Variants in PCDHAC2 observed in about 807,000 individuals in gnomAD.
PCDHAC2 encodes the protein protocadherin alpha subfamily C, 2, also known as protocadherin alpha-C2.
In PCDHAC2, 24 loss-of-function variants were observed where a neutral mutation model predicts 63.3. That is an observed-to-expected ratio of 0.38 (90% CI 0.27 to 0.53). The LOEUF (loss-of-function observed/expected upper bound fraction) is 0.53, where lower values mean the gene tolerates loss of function less well. Among genes scored for constraint, PCDHAC2 ranks in the 20% least tolerant of loss-of-function variants. PCDHAC2 has a pLI of 0.81. For missense variants in PCDHAC2, 1,181 were observed against 1,275.2 expected, an observed-to-expected ratio of 0.93 and a Z score of 1.12; for synonymous variants, 569 against 529.4, an observed-to-expected ratio of 1.07 and a Z score of -1.03.
At chr5:140,990,227 A>G (rs1424384055) in intron 3 of PCDHAC2, among the ~76,000 whole-genome samples, 1 of 152,134 alleles carries the variant, frequency 6.6e-6, no homozygotes, top group Non-Finnish European at 1.5e-5. Flanking sequence ...GTTTATTGTA[A>G]CTAGCGTTGT....
At chr5:140,978,909 C>G (rs782321430) in intron 1 of PCDHAC2, 40 bp from the exon 2 acceptor site, 2 of 1,613,660 alleles carry the variant, frequency 1.2e-6, no homozygotes, top group South Asian at 2.2e-5. Context: ...AGAACATTGT[C>G]TTGTCATTTT....
At chr5:141,003,616 G>A (rs1360535833) in intron 3 of PCDHAC2, among the ~76,000 whole-genome samples, 1 of 152,132 alleles carries the variant, frequency 6.6e-6, no homozygotes, top group African/African-American at 2.4e-5. Flanking sequence ...CCCGGCCCCA[G>A]AGGGCAGTTT....
chr5:140,985,606 C>A (rs1008038466), intron 3 of PCDHAC2, among the ~76,000 whole-genome samples: 1 of 152,300 alleles, frequency 6.6e-6, no homozygotes, highest in South Asian at 2.1e-4. Context: ...AGAGCCCTTT[C>A]CGTGAACCAG....
intron 2 of PCDHAC2, among the ~76,000 whole-genome samples, chr5:140,981,529 G>A (rs1014315292): frequency 3.9e-5 from 6 of 152,196 alleles, no homozygotes; most frequent in East Asian, 1.9e-4. Flanking sequence ...AGCTGAGATC[G>A]TGCCACTGTA....
chr5:140,999,812 G>A (rs1305602487), intron 3 of PCDHAC2, among the ~76,000 whole-genome samples: 2 of 152,270 alleles, frequency 1.3e-5, no homozygotes, highest in East Asian at 3.9e-4. Flanking sequence ...CACAAAGCAA[G>A]AGCTGTGGCT....
rs1417392698 is a variant in PCDHAC2 at position 140,999,864 on chromosome 5, T to G, written c.2714-9763T>G. Among the ~76,000 whole-genome samples, 46 of 152,148 alleles carry G rather than the reference T, an allele frequency of 3.0e-4. 1 individual carries two copies. ...TGTATTTATCTCTTCCGCTCCAAGATTACTGAAAATTAGCCCAGCTGTAGC... is the reference window on the plus strand; with the variant it reads ...TGTATTTATCTCTTCCGCTCCAAGAGTACTGAAAATTAGCCCAGCTGTAGC... On this transcript the variant is annotated intron_variant, in intron 3 of 3. Coordinates refer to ENST00000289269, the MANE Select transcript of PCDHAC2 (RefSeq NM_018899.6).
At chr5:140,998,968 T>A (rs2097841777) in intron 3 of PCDHAC2, among the ~76,000 whole-genome samples, 1 of 152,238 alleles carries the variant, frequency 6.6e-6, no homozygotes, top group Non-Finnish European at 1.5e-5. Context: ...TCAAATAGTA[T>A]CCTAGAAAAT....
At chr5:140,995,570 A>G (rs186345842) in intron 3 of PCDHAC2, among the ~76,000 whole-genome samples, 1 of 152,210 alleles carries the variant, frequency 6.6e-6, no homozygotes, top group African/African-American at 2.4e-5. Flanking sequence ...ATATGTCAAG[A>G]TGAGCTATGA....
In PCDHAC2 at chr5:141,011,172, A is replaced by G. The variant is rs377766708; in HGVS notation, c.*1235A>G. On this transcript the variant is annotated 3_prime_UTR_variant, in exon 4 of 4. Transcript: ENST00000289269. ...TCTAACCAACTATATATCAAGACCC[A>G]AAAATTGAAGAAAAATATTGTTTTC... 53 of 153,852 alleles carry G rather than the reference A, an allele frequency of 3.4e-4. No individual in the cohort carries two copies. Among genetic ancestry groups the G allele is most frequent in the African/African-American group, 1.2e-3 (51 of 41,568 alleles). 9.5% of individuals were successfully genotyped at this position (153,852 alleles called of 1,614,324 possible).
chr5:140,993,372 A>T (rs2097552472), intron 3 of PCDHAC2, among the ~76,000 whole-genome samples: 1 of 151,976 alleles, frequency 6.6e-6, no homozygotes, highest in South Asian at 2.1e-4. Context: ...ACTACCTCCC[A>T]GCCGGGTCCC....
At chr5:140,974,335 G>T (rs1481372488) in intron 1 of PCDHAC2, among the ~76,000 whole-genome samples, 2 of 152,158 alleles carry the variant, frequency 1.3e-5, no homozygotes, top group African/African-American at 4.8e-5. Context: ...GTGCTAGCAG[G>T]CTATGCATCC....
At chr5:140,977,246 C>T (rs939682133) in intron 1 of PCDHAC2, among the ~76,000 whole-genome samples, 1 of 152,172 alleles carries the variant, frequency 6.6e-6, no homozygotes, top group Non-Finnish European at 1.5e-5. Flanking sequence ...AAATTGGCAA[C>T]ATTTCTCAGC....
At chr5:140,995,214 CTCT>C (rs1563606225) in intron 3 of PCDHAC2, among the ~76,000 whole-genome samples, 1 of 152,136 alleles carries the variant, frequency 6.6e-6, no homozygotes, top group East Asian at 1.9e-4. Flanking sequence ...AGGCACAATA[CTCT>C]TGTGCTTTGG....
chr5:140,982,784 C>T (rs568886944), intron 3 of PCDHAC2, among the ~76,000 whole-genome samples: 9 of 151,444 alleles, frequency 5.9e-5, no homozygotes, highest in South Asian at 2.1e-4. Flanking sequence ...TGTGTGTGCA[C>T]GCATGTGTGC....
chr5:140,991,172 G>T (rs2097436221), intron 3 of PCDHAC2, among the ~76,000 whole-genome samples: 1 of 152,160 alleles, frequency 6.6e-6, no homozygotes, highest in Non-Finnish European at 1.5e-5. Flanking sequence ...CCATTGTCAA[G>T]CAGGATGCCT....
Position 140,967,116 on chromosome 5 carries a change from G to T in PCDHAC2, c.350G>T (p.Cys117Phe). ...REALCEQRPRCLLSLEVLAHN... is the reference protein window; with the variant it reads ...REALCEQRPRFLLSLEVLAHN... Reference sequence around the variant, plus strand: ...GCGCTGTGTGAGCAGCGGCCTCGCTGCCTGCTCAGCTTGGAAGTGCTGGCG... The same window carrying T: ...GCGCTGTGTGAGCAGCGGCCTCGCTTCCTGCTCAGCTTGGAAGTGCTGGCG... Residue 117 changes from cysteine (C) to phenylalanine (F), a missense_variant, in exon 1 of 4, where the codon TGC becomes TTC. By Grantham distance (205) the Cys-to-Phe change is radical. Transcript: ENST00000289269. 6.2e-7 allele frequency: 1 copy of T among 1,612,922 alleles called. No individual in the cohort carries two copies. The highest frequency in any genetic ancestry group is 8.5e-7 in the Non-Finnish European group (1 of 1,179,434).
chr5:140,987,904 G>A (rs115515462), intron 3 of PCDHAC2, among the ~76,000 whole-genome samples: 1 of 151,734 alleles, frequency 6.6e-6, no homozygotes, highest in African/African-American at 2.4e-5. Context: ...TTTTATATGG[G>A]GATTTATATT....
At chr5:140,987,011 C>G (rs1266225593) in intron 3 of PCDHAC2, among the ~76,000 whole-genome samples, 1 of 151,990 alleles carries the variant, frequency 6.6e-6, no homozygotes, top group African/African-American at 2.4e-5. Context: ...GTCATGAGTT[C>G]GAGACCAGCC....
chr5:140,995,180 A>C (rs1014057978), intron 3 of PCDHAC2, among the ~76,000 whole-genome samples: 4 of 152,190 alleles, frequency 2.6e-5, no homozygotes, highest in African/African-American at 9.7e-5. Context: ...AGGTGCACCT[A>C]TGATAAAGTT....
Sources: allele counts gnomAD v4.1 joint callset (sites outside exome capture counted in the v4.1 genomes callset), GRCh38; gene constraint gnomAD v4.1.1; transcripts MANE v1.5; gene names NCBI Gene and HGNC (gene_info 2026-07-23, HGNC 2026-07-21).